Variants in EFCAB13 observed in about 807,000 individuals in gnomAD.
EFCAB13 encodes the protein EF-hand calcium-binding domain-containing protein 13.
Under a neutral mutation model 110.2 loss-of-function variants are expected in EFCAB13, and 91 were observed. The observed-to-expected ratio is 0.83, with a 90% CI of 0.70 to 0.98. The LOEUF is 0.98. EFCAB13 is among the 50% of genes least tolerant of loss of function. EFCAB13 has a pLI of 0.00. For synonymous variants in EFCAB13, 323 were observed against 369.9 expected, an observed-to-expected ratio of 0.87 and a Z score of 1.45; for missense variants, 968 against 1,119.4, an observed-to-expected ratio of 0.86 and a Z score of 1.93.
intron 9 of EFCAB13, among the ~76,000 whole-genome samples, chr17:47,358,367 G>A (rs1466399004): frequency 6.7e-6 from 1 of 148,486 alleles, no homozygotes; most frequent in Admixed American, 6.7e-5. Context: ...AAGAGAAAAA[G>A]AAATTTTGCC....
Position 47,374,553 on chromosome 17 carries a change from A to T in EFCAB13, c.959A>T (p.Lys320Met). 6.3e-7 allele frequency: 1 copy of T among 1,587,552 alleles called. No individual in the cohort carries two copies. Among genetic ancestry groups the T allele is most frequent in the Non-Finnish European group, 8.5e-7 (1 of 1,172,968 alleles). The change falls in exon 12 of 25, where the codon AAG becomes ATG. Residue 320 changes from lysine (K) to methionine (M), a missense_variant. Transcript: ENST00000331493. ...SSVAGCYLKY[K>M]KKNSLSSKLP... ...GTAGCAGGATGCTATCTAAAATATA[A>T]GAAGAAAAATAGTTTGTCTTCCAAA...
intron 14 of EFCAB13, among the ~76,000 whole-genome samples, chr17:47,384,666 G>GC (rs1192143088): frequency 6.6e-6 from 1 of 152,020 alleles, no homozygotes; most frequent in African/African-American, 2.4e-5. Context: ...TTGAATATTG[G>GC]CCCCCACTCT....
intron 20 of EFCAB13, among the ~76,000 whole-genome samples, chr17:47,406,617 C>T (rs936592662): frequency 2.0e-5 from 3 of 152,180 alleles, no homozygotes; most frequent in Non-Finnish European, 4.4e-5. Context: ...AAGGTACATT[C>T]ACTCATTTCA....
chr17:47,345,528 A>G (rs1365798387), intron 8 of EFCAB13, among the ~76,000 whole-genome samples: 1 of 152,066 alleles, frequency 6.6e-6, no homozygotes, highest in Non-Finnish European at 1.5e-5. Flanking sequence ...ATAATTTCAC[A>G]TAGTTTTCCT....
intron 14 of EFCAB13, among the ~76,000 whole-genome samples, chr17:47,387,732 T>G (rs1446099711): frequency 6.6e-6 from 1 of 152,232 alleles, no homozygotes; most frequent in Non-Finnish European, 1.5e-5. Context: ...TGGACATATG[T>G]CTATATCTTG....
chr17:47,401,257 A>G (rs1567799917), intron 17 of EFCAB13, among the ~76,000 whole-genome samples: 1 of 152,318 alleles, frequency 6.6e-6, no homozygotes, highest in East Asian at 1.9e-4. Flanking sequence ...CTGGTGACAC[A>G]TTTTGCTTGT....
At chr17:47,345,235 C>A in intron 8 of EFCAB13, 137 bp downstream of exon 8, 1 of 578,008 alleles carries the variant, frequency 1.7e-6, no homozygotes, top group Non-Finnish European at 3.0e-6. Context: ...ATGGCAAATG[C>A]TGCGGGCTGT....
At chr17:47,377,427 G>A (rs2143370929) in intron 12 of EFCAB13, among the ~76,000 whole-genome samples, 1 of 152,220 alleles carries the variant, frequency 6.6e-6, no homozygotes, top group African/African-American at 2.4e-5. Flanking sequence ...TTCCCGAAGT[G>A]CCGTGATTAT....
chr17:47,388,832 G>A (rs570401188), intron 14 of EFCAB13, among the ~76,000 whole-genome samples: 1 of 151,900 alleles, frequency 6.6e-6, no homozygotes, highest in Non-Finnish European at 1.5e-5. Context: ...TGTCAAAACT[G>A]TTTTCCAAAG....
Position 47,335,252 on chromosome 17 carries a change from G to A in EFCAB13, c.87G>A (p.Leu29=). 1 of 1,611,112 alleles carries A rather than the reference G, an allele frequency of 6.2e-7. No homozygotes were observed. Among genetic ancestry groups the A allele is most frequent in the South Asian group, 1.1e-5 (1 of 90,028 alleles). The part of the protein sequence containing the change: ...DDGSNSFATD[L]SSGTINHKKY... ...GCTCTAATTCTTTTGCAACTGACTT[G>A]TCATCAGGAACTATTAACCACAAGA... The change falls in exon 5 of 25, where the codon TTG becomes TTA. Residue 29 remains leucine (L), a synonymous_variant. Coordinates refer to ENST00000331493, the MANE Select transcript of EFCAB13 (RefSeq NM_152347.5).
chr17:47,371,644 C>T (rs1183204674), intron 11 of EFCAB13, among the ~76,000 whole-genome samples: 5 of 152,044 alleles, frequency 3.3e-5, no homozygotes, highest in South Asian at 2.1e-4. Flanking sequence ...GACAGAGTCA[C>T]GCTCTGTCAC....
At chr17:47,339,372 G>C (rs1364443773) in intron 5 of EFCAB13, among the ~76,000 whole-genome samples, 1 of 152,114 alleles carries the variant, frequency 6.6e-6, no homozygotes, top group Non-Finnish European at 1.5e-5. Flanking sequence ...GAGGAGGCAG[G>C]GGTGGTTTCT....
At chr17:47,408,641 G>A (rs1340463115) in intron 20 of EFCAB13, among the ~76,000 whole-genome samples, 3 of 152,146 alleles carry the variant, frequency 2.0e-5, no homozygotes, top group Admixed American at 6.5e-5. Flanking sequence ...GACAGAACAA[G>A]ACTCCATCTC....
At chr17:47,419,741 A>G (rs1482721571) in intron 23 of EFCAB13, among the ~76,000 whole-genome samples, 1 of 152,202 alleles carries the variant, frequency 6.6e-6, no homozygotes, top group East Asian at 1.9e-4. Context: ...GTCTTTCAGA[A>G]TGCTGTGGTC....
chr17:47,381,971 A>G (rs1190978915), intron 14 of EFCAB13, among the ~76,000 whole-genome samples: 1 of 152,146 alleles, frequency 6.6e-6, no homozygotes, highest in East Asian at 1.9e-4. Context: ...CATGATATTG[A>G]TCATTCCTAT....
chr17:47,440,338 C>A (rs1905295455), intron 24 of EFCAB13, 93 bp from the exon 25 acceptor site: 12 of 1,288,584 alleles, frequency 9.3e-6, no homozygotes, highest in Non-Finnish European at 1.2e-5. Context: ...AAGCTTTTAA[C>A]TTCTGTTATA....
At chr17:47,387,486 C>T (rs1007813502) in intron 14 of EFCAB13, among the ~76,000 whole-genome samples, 3 of 152,206 alleles carry the variant, frequency 2.0e-5, no homozygotes, top group Non-Finnish European at 4.4e-5. Flanking sequence ...TTTGGGTCCT[C>T]TGTTGTTGTG....
At chr17:47,414,367 G>A (rs1391152423) in intron 22 of EFCAB13, among the ~76,000 whole-genome samples, 1 of 151,980 alleles carries the variant, frequency 6.6e-6, no homozygotes, top group Non-Finnish European at 1.5e-5. Context: ...AACATTTCCT[G>A]ACTTTGTGAC....
chr17:47,401,084 T>A (rs1191210981), intron 17 of EFCAB13, among the ~76,000 whole-genome samples: 1 of 152,108 alleles, frequency 6.6e-6, no homozygotes. Context: ...TATAGGACTC[T>A]ACTAAATGAC....
Sources: allele counts gnomAD v4.1 joint callset (sites outside exome capture counted in the v4.1 genomes callset), GRCh38; gene constraint gnomAD v4.1.1; transcripts MANE v1.5; gene names NCBI Gene and HGNC (gene_info 2026-07-23, HGNC 2026-07-21).